The following KIF16B variants were observed in gnomAD, a reference collection of about 807,000 sequenced individuals.
KIF16B encodes the protein kinesin-like protein KIF16B.
In KIF16B, 98 loss-of-function variants were observed where a neutral mutation model predicts 156.3. That is an observed-to-expected ratio of 0.63 (90% CI 0.53 to 0.74). The LOEUF is 0.74. Ranked by LOEUF, KIF16B falls within the 30% of genes least tolerant of loss-of-function variation. The pLI is 0.00. For synonymous variants in KIF16B, 564 were observed against 583.7 expected (o/e 0.97, Z 0.49); for missense variants, 1,421 against 1,606.5 (o/e 0.88, Z 1.97).
intron 25 of KIF16B, among the ~76,000 whole-genome samples, chr20:16,286,863 G>A (rs2063229992): frequency 6.6e-6 from 1 of 152,226 alleles, no homozygotes; most frequent in South Asian, 2.1e-4. Flanking sequence ...AACCTAGGTG[G>A]GGTTTGTGAC....
chr20:16,503,460 C>T (rs114073075), intron 10 of KIF16B, among the ~76,000 whole-genome samples: 223 of 152,300 alleles, frequency 1.5e-3, no homozygotes, highest in African/African-American at 4.9e-3. Context: ...GTGAGGTTTT[C>T]ATCCCATCAG....
chr20:16,357,217 G>T (rs1233547759), intron 22 of KIF16B, among the ~76,000 whole-genome samples: 1 of 152,186 alleles, frequency 6.6e-6, no homozygotes, highest in Admixed American at 6.5e-5. Flanking sequence ...AAAATAATTA[G>T]AATCATAATT....
intron 22 of KIF16B, among the ~76,000 whole-genome samples, chr20:16,356,856 T>C (rs962898687): frequency 6.6e-6 from 1 of 152,256 alleles, no homozygotes; most frequent in African/African-American, 2.4e-5. Flanking sequence ...CAGACAGCTA[T>C]ACTTATAAAG....
At chr20:16,502,236 G>C (rs1223403675) in intron 10 of KIF16B, among the ~76,000 whole-genome samples, 2 of 152,064 alleles carry the variant, frequency 1.3e-5, no homozygotes, top group Admixed American at 1.3e-4. Flanking sequence ...ACTCAGATTT[G>C]AATAACATTC....
chr20:16,518,256 C>T (rs62199808), intron 3 of KIF16B, among the ~76,000 whole-genome samples: 1,635 of 152,270 alleles, frequency 0.011, 14 homozygotes, highest in Middle Eastern at 0.058. Flanking sequence ...AATCGAGATA[C>T]CCCCATCACA....
At chr20:16,383,565 C>A (rs1208230639) in intron 17 of KIF16B, among the ~76,000 whole-genome samples, 1 of 152,168 alleles carries the variant, frequency 6.6e-6, no homozygotes, top group Non-Finnish European at 1.5e-5. Flanking sequence ...AGCCCATATG[C>A]AATTGCATTA....
intron 25 of KIF16B, among the ~76,000 whole-genome samples, chr20:16,303,977 A>C (rs2063507248): frequency 6.6e-6 from 1 of 152,168 alleles, no homozygotes; most frequent in Admixed American, 6.5e-5. Flanking sequence ...TTTCCAGCTT[A>C]GAGTTTAACC....
intron 12 of KIF16B, among the ~76,000 whole-genome samples, chr20:16,465,508 T>C (rs939060350): frequency 1.3e-5 from 2 of 152,218 alleles, no homozygotes; most frequent in Admixed American, 6.5e-5. Flanking sequence ...TTTTAGCATG[T>C]TATTTTAAAG....
intron 1 of KIF16B, among the ~76,000 whole-genome samples, chr20:16,560,857 G>A (rs2071031627): frequency 6.6e-6 from 1 of 152,162 alleles, no homozygotes; most frequent in South Asian, 2.1e-4. Context: ...ACGGCATGAT[G>A]TCTCAGTGTT....
chr20:16,501,396 G>A (rs2068622231), intron 10 of KIF16B, among the ~76,000 whole-genome samples: 1 of 151,812 alleles, frequency 6.6e-6, no homozygotes, highest in South Asian at 2.1e-4. Flanking sequence ...TCTATACACT[G>A]ATGGTGGTCT....
intron 12 of KIF16B, among the ~76,000 whole-genome samples, chr20:16,464,355 C>T (rs1268895581): frequency 6.6e-6 from 1 of 151,870 alleles, no homozygotes; most frequent in Non-Finnish European, 1.5e-5. Flanking sequence ...TATAAAAATT[C>T]AAGGAGAAAA....
chr20:16,362,773 T>C (rs2064575421), intron 22 of KIF16B, among the ~76,000 whole-genome samples: 1 of 152,140 alleles, frequency 6.6e-6, no homozygotes, highest in African/African-American at 2.4e-5. Context: ...TCACCATAAA[T>C]ATCAAAAGGA....
At chr20:16,368,840 G>A in intron 22 of KIF16B, 1 of 985,812 alleles carries the variant, frequency 1.0e-6, no homozygotes, top group Non-Finnish European at 1.2e-6. Context: ...TGGGACGTAT[G>A]TTGCAGCAAA....
chr20:16,295,083 A>T (rs2063364438), intron 25 of KIF16B, among the ~76,000 whole-genome samples: 1 of 152,218 alleles, frequency 6.6e-6, no homozygotes, highest in South Asian at 2.1e-4. Flanking sequence ...CTTGGGAGGT[A>T]AGAACCCAGG....
At chr20:16,322,942 T>C (rs1288028521) in intron 24 of KIF16B, among the ~76,000 whole-genome samples, 1 of 151,978 alleles carries the variant, frequency 6.6e-6, no homozygotes, top group African/African-American at 2.4e-5. Flanking sequence ...TGGATATAAA[T>C]AATGGCAGCC....
At chr20:16,510,878 A>T (rs1284192619) in intron 6 of KIF16B, among the ~76,000 whole-genome samples, 2 of 152,184 alleles carry the variant, frequency 1.3e-5, no homozygotes, top group African/African-American at 4.8e-5. Context: ...CATTATGAGG[A>T]CAGTTTTAAA....
At chr20:16,470,338 G>A (rs35991066) in intron 12 of KIF16B, among the ~76,000 whole-genome samples, 1 of 151,894 alleles carries the variant, frequency 6.6e-6, no homozygotes, top group Non-Finnish European at 1.5e-5. Flanking sequence ...TCTAAATTTT[G>A]AGTGACAATG....
At chr20:16,367,126 C>T in intron 22 of KIF16B, 1 of 1,539,392 alleles carries the variant, frequency 6.5e-7, no homozygotes, top group African/African-American at 1.4e-5. Context: ...ACATGTAGTG[C>T]ATCTTTAAAA....
intron 23 of KIF16B, among the ~76,000 whole-genome samples, chr20:16,355,794 G>A (rs2064428906): frequency 6.6e-6 from 1 of 151,644 alleles, no homozygotes; most frequent in Non-Finnish European, 1.5e-5. Context: ...AATGAGGAGG[G>A]CTTCCTAATT....
Sources: allele counts gnomAD v4.1 joint callset (sites outside exome capture counted in the v4.1 genomes callset), GRCh38; gene constraint gnomAD v4.1.1; transcripts MANE v1.5; gene names NCBI Gene and HGNC (gene_info 2026-07-23, HGNC 2026-07-21).